Variants in APBA1 observed in about 807,000 individuals in gnomAD.
The protein encoded by APBA1 is amyloid-beta A4 precursor protein-binding family A member 1.
A neutral mutation model predicts 86.6 loss-of-function variants in APBA1; 55 were observed. The observed-to-expected ratio is 0.64, with a 90% CI of 0.51 to 0.80. The LOEUF (loss-of-function observed/expected upper bound fraction) is 0.80. Among genes scored for constraint, APBA1 ranks in the 30% least tolerant of loss-of-function variants. The probability of loss-of-function intolerance (pLI) is 0.00; values close to 1 mark genes in which losing one functional copy is unlikely to be tolerated. For synonymous variants in APBA1, 511 were observed against 493.9 expected (o/e 1.03, Z -0.46); for missense variants, 1,090 against 1,183.0 (o/e 0.92, Z 1.15).
At chr9:69,664,393 T>A (rs1438386226) in intron 1 of APBA1, among the ~76,000 whole-genome samples, 1 of 152,162 alleles carries the variant, frequency 6.6e-6, no homozygotes, top group Non-Finnish European at 1.5e-5. Context: ...ATTAAGTGAA[T>A]GAGCACACAG....
intron 2 of APBA1, among the ~76,000 whole-genome samples, chr9:69,497,499 C>T (rs1361940209): frequency 6.6e-6 from 1 of 152,154 alleles, no homozygotes; most frequent in Non-Finnish European, 1.5e-5. Context: ...AGACAACGTG[C>T]CCAGTGGCCC....
At chr9:69,456,650 A>T (rs1320609432) in intron 7 of APBA1, among the ~76,000 whole-genome samples, 2 of 152,202 alleles carry the variant, frequency 1.3e-5, no homozygotes, top group East Asian at 3.8e-4. Flanking sequence ...GCAGGTGAAA[A>T]GAAATAAGAA....
chr9:69,662,462 C>T (rs569451149), intron 1 of APBA1, among the ~76,000 whole-genome samples: 1 of 152,138 alleles, frequency 6.6e-6, no homozygotes, highest in Non-Finnish European at 1.5e-5. Context: ...ATAAAGAACA[C>T]AATCATACCT....
At chr9:69,553,733 G>A (rs915306135) in intron 1 of APBA1, among the ~76,000 whole-genome samples, 4 of 152,174 alleles carry the variant, frequency 2.6e-5, no homozygotes, top group African/African-American at 9.7e-5. Context: ...AAGTTTAGGA[G>A]CCACAGATCT....
At chr9:69,620,405 GC>G (rs1469918749) in intron 1 of APBA1, among the ~76,000 whole-genome samples, 1 of 152,044 alleles carries the variant, frequency 6.6e-6, no homozygotes, top group Admixed American at 6.5e-5. Flanking sequence ...TGCCGGCCAG[GC>G]ATGGTGGCTC....
At chr9:69,628,696 G>T (rs966084818) in intron 1 of APBA1, among the ~76,000 whole-genome samples, 1 of 152,152 alleles carries the variant, frequency 6.6e-6, no homozygotes, top group Admixed American at 6.5e-5. Context: ...TGGGCATAGT[G>T]ACATGTTCTA....
chr9:69,617,416 G>A (rs1822722773), intron 1 of APBA1, among the ~76,000 whole-genome samples: 1 of 152,018 alleles, frequency 6.6e-6, no homozygotes, highest in Non-Finnish European at 1.5e-5. Flanking sequence ...GTAGAAACTA[G>A]GCAACTATAT....
chr9:69,609,525 C>T (rs1822540206), intron 1 of APBA1, among the ~76,000 whole-genome samples: 10 of 152,170 alleles, frequency 6.6e-5, no homozygotes, highest in Admixed American at 6.6e-4. Flanking sequence ...TGAATATGCA[C>T]ATGGTTTACT....
At chr9:69,649,366 C>A (rs745412392) in intron 1 of APBA1, among the ~76,000 whole-genome samples, 1 of 152,152 alleles carries the variant, frequency 6.6e-6, no homozygotes, top group Non-Finnish European at 1.5e-5. Context: ...CCTGACCAGA[C>A]CCTGGCTCAG....
intron 1 of APBA1, among the ~76,000 whole-genome samples, chr9:69,624,365 A>C (rs1219308820): frequency 2.0e-5 from 3 of 152,236 alleles, no homozygotes; most frequent in South Asian, 4.1e-4. Flanking sequence ...AATGAAAAAC[A>C]CATTCAATTT....
chr9:69,429,669 C>T lies in APBA1; in HGVS notation c.*1658G>A, dbSNP rs947573273. 4 of 152,090 alleles carry T rather than the reference C, an allele frequency of 2.6e-5. No homozygotes were observed. Among genetic ancestry groups the T allele is most frequent in the Non-Finnish European group, 5.9e-5 (4 of 68,016 alleles). 9.4% of individuals were successfully genotyped at this position (152,090 alleles called of 1,614,324 possible). On this transcript the variant is annotated 3_prime_UTR_variant, in exon 13 of 13. Transcript: ENST00000265381. ...ACTCTCTGGTTGAAGTCTCTTGTCCCTAATCTTGTTATAGTCACTTTGCTC... is the reference window on the plus strand; with the variant it reads ...ACTCTCTGGTTGAAGTCTCTTGTCCTTAATCTTGTTATAGTCACTTTGCTC...
At chr9:69,565,976 C>A (rs1564078957) in intron 1 of APBA1, among the ~76,000 whole-genome samples, 1 of 152,204 alleles carries the variant, frequency 6.6e-6, no homozygotes, top group Non-Finnish European at 1.5e-5. Flanking sequence ...CCTGCTCAGG[C>A]CCCACCGACC....
chr9:69,441,339 C>T (rs538430834), intron 10 of APBA1, among the ~76,000 whole-genome samples: 2 of 152,172 alleles, frequency 1.3e-5, no homozygotes, highest in Non-Finnish European at 2.9e-5. Context: ...TCTTAGCCCA[C>T]GCACAGATGG....
intron 1 of APBA1, among the ~76,000 whole-genome samples, chr9:69,608,778 A>G (rs1564091109): frequency 1.3e-5 from 2 of 152,176 alleles, no homozygotes; most frequent in Non-Finnish European, 2.9e-5. Context: ...TCACATTCCT[A>G]TCAAGTACAC....
chr9:69,536,054 T>G (rs888690211), intron 1 of APBA1, among the ~76,000 whole-genome samples: 2 of 151,732 alleles, frequency 1.3e-5, no homozygotes, highest in African/African-American at 4.8e-5. Flanking sequence ...TTGTTTTTTT[T>G]TTTTTGATGT....
At chr9:69,583,816 C>T (rs1392207260) in intron 1 of APBA1, among the ~76,000 whole-genome samples, 1 of 152,178 alleles carries the variant, frequency 6.6e-6, no homozygotes, top group Non-Finnish European at 1.5e-5. Flanking sequence ...CATGCACGAG[C>T]CAGCTGGGGA....
intron 1 of APBA1, among the ~76,000 whole-genome samples, chr9:69,614,594 G>A (rs1822665802): frequency 1.3e-5 from 2 of 152,084 alleles, no homozygotes; most frequent in South Asian, 2.1e-4. Flanking sequence ...TTTAACTATA[G>A]ATATTCTAAG....
chr9:69,644,154 GCTAT>G (rs1823346160), intron 1 of APBA1, among the ~76,000 whole-genome samples: 1 of 152,104 alleles, frequency 6.6e-6, no homozygotes, highest in African/African-American at 2.4e-5. Flanking sequence ...TAATCTGCTT[GCTAT>G]CTGTCTTTCC....
chr9:69,663,449 G>A (rs895226543), intron 1 of APBA1, among the ~76,000 whole-genome samples: 1 of 152,150 alleles, frequency 6.6e-6, no homozygotes, highest in Non-Finnish European at 1.5e-5. Context: ...CTTGTTAAGT[G>A]GAATTTCCTT....
Sources: gnomAD v4.1 joint callset for allele counts (sites outside exome capture counted in the v4.1 genomes callset) on GRCh38, gnomAD v4.1.1 for gene constraint, MANE v1.5 for transcripts, NCBI Gene and HGNC (gene_info 2026-07-23, HGNC 2026-07-21) for gene names.